IQSEC1: variants seen among roughly 807,000 people sequenced by gnomAD.
IQSEC1 encodes the protein IQ motif and SEC7 domain-containing protein 1.
In IQSEC1, 31 loss-of-function variants were observed where a neutral mutation model predicts 91.0. The ratio of observed to expected loss-of-function variants is 0.34; its 90% CI spans 0.26 to 0.46. The LOEUF (loss-of-function observed/expected upper bound fraction) is 0.46, where lower values mean the gene tolerates loss of function less well. Ranked by LOEUF, IQSEC1 falls within the 20% of genes least tolerant of loss-of-function variation. IQSEC1 has a pLI of 1.00. For synonymous variants in IQSEC1, 699 were observed against 662.6 expected (o/e 1.05, Z -0.84); for missense variants, 1,388 against 1,575.6 (o/e 0.88, Z 2.02).
At chr3:13,105,753 T>C (rs1180161117) in intron 2 of IQSEC1, among the ~76,000 whole-genome samples, 1 of 152,114 alleles carries the variant, frequency 6.6e-6, no homozygotes, top group Non-Finnish European at 1.5e-5. Flanking sequence ...AGAGTAGCCA[T>C]GAGACTGAAT....
Position 12,899,949 on chromosome 3 carries a change from A to C in IQSEC1, c.*1034T>G. 2.0e-6 allele frequency: 2 copies of C among 985,314 alleles called. No individual in the cohort carries two copies. The highest frequency in any genetic ancestry group is 9.4e-5 in the South Asian group (2 of 21,272). 61.0% of individuals were successfully genotyped at this position (985,314 alleles called of 1,614,324 possible). A position where few individuals can be genotyped will look rare whatever the true frequency, so the allele number is the denominator to read the frequency against. Reference sequence around the variant, plus strand: ...GAGGACTCTGAATGAGTGTGCGTCAAATCATATGCGCATAAAAGAAACATG... The same window carrying C: ...GAGGACTCTGAATGAGTGTGCGTCACATCATATGCGCATAAAAGAAACATG... On this transcript the variant is annotated 3_prime_UTR_variant, in exon 14 of 14. Transcript: ENST00000613206.
intron 1 of IQSEC1, among the ~76,000 whole-genome samples, chr3:13,050,354 C>T (rs1053838533): frequency 6.6e-6 from 1 of 152,106 alleles, no homozygotes; most frequent in African/African-American, 2.4e-5. Flanking sequence ...CAGAGAGAAC[C>T]CTCAGCCCAG....
At chr3:12,912,474 T>C (rs1695652310) in intron 9 of IQSEC1, among the ~76,000 whole-genome samples, 1 of 152,062 alleles carries the variant, frequency 6.6e-6, no homozygotes, top group South Asian at 2.1e-4. Flanking sequence ...AACTTACACG[T>C]CTGATTTCAA....
chr3:13,168,264 G>A (rs77810186), intron 1 of IQSEC1, among the ~76,000 whole-genome samples: 2,059 of 152,292 alleles, frequency 0.014, 40 homozygotes, highest in African/African-American at 0.047. Context: ...CTTATATGGC[G>A]TGATGTAGAA....
intron 1 of IQSEC1, among the ~76,000 whole-genome samples, chr3:12,945,377 C>A (rs2125386931): frequency 6.6e-6 from 1 of 152,130 alleles, no homozygotes; most frequent in East Asian, 1.9e-4. Flanking sequence ...GACAGTCACC[C>A]ACAGTCTTCC....
chr3:13,146,461 C>T (rs1015794955), intron 2 of IQSEC1, among the ~76,000 whole-genome samples: 46 of 152,298 alleles, frequency 3.0e-4, no homozygotes, highest in African/African-American at 9.6e-4. Flanking sequence ...GCACACGACA[C>T]GGTGGGCGGG....
chr3:13,104,580 C>T (rs1401970474), intron 2 of IQSEC1, among the ~76,000 whole-genome samples: 1 of 152,214 alleles, frequency 6.6e-6, no homozygotes, highest in Admixed American at 6.5e-5. Flanking sequence ...TCCTCTTTCC[C>T]CTGTGCACGC....
intron 1 of IQSEC1, among the ~76,000 whole-genome samples, chr3:13,246,631 T>C (rs1240112439): frequency 1.3e-5 from 2 of 152,248 alleles, no homozygotes; most frequent in Non-Finnish European, 2.9e-5. Context: ...GGCAGACCCC[T>C]GTGCTCCAGC....
chr3:13,248,886 C>T (rs1043193206), intron 1 of IQSEC1, among the ~76,000 whole-genome samples: 23 of 92,240 alleles, frequency 2.5e-4, no homozygotes, highest in Non-Finnish European at 3.7e-4. Flanking sequence ...GAGTAACTTG[C>T]CCGAGGTCAC....
At chr3:13,215,130 C>A (rs1038414333) in intron 1 of IQSEC1, among the ~76,000 whole-genome samples, 8 of 152,100 alleles carry the variant, frequency 5.3e-5, no homozygotes, top group Non-Finnish European at 1.0e-4. Flanking sequence ...CCACCAACCC[C>A]TCCCCTGTGC....
At chr3:12,932,643 T>C (rs2596899) in intron 3 of IQSEC1, among the ~76,000 whole-genome samples, 122,154 of 152,216 alleles carry the variant, frequency 0.8, 50,117 homozygotes, top group African/African-American at 0.96. Context: ...CAGAAGCCCT[T>C]GCTGACCACA....
At chr3:12,926,202 C>T (rs1697107564) in intron 3 of IQSEC1, among the ~76,000 whole-genome samples, 1 of 151,984 alleles carries the variant, frequency 6.6e-6, no homozygotes, top group Non-Finnish European at 1.5e-5. Flanking sequence ...CCCAGCTACT[C>T]AGGAGGCTGA....
chr3:12,931,129 C>T (rs1488924682), intron 3 of IQSEC1, among the ~76,000 whole-genome samples: 1 of 152,146 alleles, frequency 6.6e-6, no homozygotes, highest in African/African-American at 2.4e-5. Flanking sequence ...GTGTGGCAAG[C>T]ACCCCCTGCA....
At chr3:12,925,472 T>C (rs1697039496) in intron 3 of IQSEC1, among the ~76,000 whole-genome samples, 1 of 152,112 alleles carries the variant, frequency 6.6e-6, no homozygotes, top group African/African-American at 2.4e-5. Flanking sequence ...CTGTAAACAC[T>C]GAGGAAGTAG....
intron 9 of IQSEC1, among the ~76,000 whole-genome samples, chr3:12,912,814 G>A (rs987631455): frequency 6.6e-6 from 1 of 152,022 alleles, no homozygotes. Context: ...TAGCATCCAT[G>A]CCACCTTTTT....
At chr3:13,228,094 A>C (rs1694787369) in intron 1 of IQSEC1, among the ~76,000 whole-genome samples, 1 of 152,116 alleles carries the variant, frequency 6.6e-6, no homozygotes, top group South Asian at 2.1e-4. Context: ...CCTGACCTCC[A>C]GGCAGCCCGG....
chr3:13,007,818 C>T (rs960061374), intron 1 of IQSEC1, among the ~76,000 whole-genome samples: 5 of 152,302 alleles, frequency 3.3e-5, no homozygotes, highest in Non-Finnish European at 5.9e-5. Flanking sequence ...GGGCTGAGCC[C>T]AGCCATCCCT....
At chr3:12,985,783 G>A (rs1701707007) in intron 1 of IQSEC1, among the ~76,000 whole-genome samples, 1 of 152,166 alleles carries the variant, frequency 6.6e-6, no homozygotes, top group Non-Finnish European at 1.5e-5. Context: ...TTCTAGGGGG[G>A]CACATACATA....
chr3:13,125,374 A>T (rs1044393068), intron 2 of IQSEC1, among the ~76,000 whole-genome samples: 1 of 152,028 alleles, frequency 6.6e-6, no homozygotes, highest in Admixed American at 6.6e-5. Context: ...GCTCTCTGTC[A>T]TTGCTCCCAG....
Sources: allele counts gnomAD v4.1 joint callset (sites outside exome capture counted in the v4.1 genomes callset), GRCh38; gene constraint gnomAD v4.1.1; transcripts MANE v1.5; gene names NCBI Gene and HGNC (gene_info 2026-07-23, HGNC 2026-07-21).